Variants in DPP6 observed in about 807,000 individuals in gnomAD.
DPP6 encodes the protein A-type potassium channel modulatory protein DPP6.
A neutral mutation model predicts 122.6 loss-of-function variants in DPP6; 69 were observed. That is an observed-to-expected ratio of 0.56 (90% CI 0.46 to 0.69). The LOEUF (loss-of-function observed/expected upper bound fraction) is 0.69, where lower values mean the gene tolerates loss of function less well. DPP6 is among the 30% of genes least tolerant of loss of function. DPP6 has a pLI of 0.00. For synonymous variants in DPP6, 418 were observed against 433.1 expected, an observed-to-expected ratio of 0.97 and a Z score of 0.43; for missense variants, 928 against 1,116.9, an observed-to-expected ratio of 0.83 and a Z score of 2.41.
intron 8 of DPP6, among the ~76,000 whole-genome samples, chr7:154,732,666 C>T (rs1426946525): frequency 6.6e-6 from 1 of 152,064 alleles, no homozygotes; most frequent in Non-Finnish European, 1.5e-5. Context: ...GAAAAGGGCC[C>T]GAAGGGTATT....
chr7:154,295,466 T>C (rs1007296043), intron 1 of DPP6, among the ~76,000 whole-genome samples: 1 of 152,174 alleles, frequency 6.6e-6, no homozygotes, highest in Non-Finnish European at 1.5e-5. Context: ...GATAAGATAG[T>C]ATGTGTAATA....
At chr7:154,357,773 A>G (rs1038603362) in intron 1 of DPP6, among the ~76,000 whole-genome samples, 2 of 151,910 alleles carry the variant, frequency 1.3e-5, no homozygotes, top group African/African-American at 4.8e-5. Context: ...GAAACCCCAT[A>G]TCTACTAAAA....
intron 1 of DPP6, among the ~76,000 whole-genome samples, chr7:154,110,141 G>A (rs1186650505): frequency 6.6e-6 from 1 of 151,942 alleles, no homozygotes; most frequent in Non-Finnish European, 1.5e-5. Flanking sequence ...TGGCTTTCAG[G>A]CTACCAATGG....
At chr7:154,374,218 C>T (rs1470876967) in intron 1 of DPP6, among the ~76,000 whole-genome samples, 2 of 152,104 alleles carry the variant, frequency 1.3e-5, no homozygotes, top group African/African-American at 4.8e-5. Flanking sequence ...ACCTTGGGGA[C>T]ATTATTTCAT....
chr7:153,976,142 T>G (rs1216616741), intron 1 of DPP6, among the ~76,000 whole-genome samples: 2 of 151,736 alleles, frequency 1.3e-5, no homozygotes, highest in Non-Finnish European at 2.9e-5. Flanking sequence ...CAAACCTGAG[T>G]AAGGGTGAAG....
Position 154,398,439 on chromosome 7 carries a change from G to A in DPP6, c.244-47775G>A, listed in dbSNP as rs537522870. On this transcript the variant is annotated intron_variant, in intron 1 of 25. Transcript: ENST00000377770. Reference sequence around the variant, plus strand: ...GTAGGTTGTATGCAGTGATAGTATCGCCTTTGTTCATTTGCACATCAAAGA... The same window carrying A: ...GTAGGTTGTATGCAGTGATAGTATCACCTTTGTTCATTTGCACATCAAAGA... Among the ~76,000 whole-genome samples, 19 of 152,220 alleles carry A rather than the reference G, an allele frequency of 1.2e-4. No homozygotes were observed. In the East Asian group the frequency reaches 1.7e-3, roughly 14 times the overall value.
At chr7:154,447,684 T>A (rs1820006152) in intron 2 of DPP6, among the ~76,000 whole-genome samples, 1 of 152,042 alleles carries the variant, frequency 6.6e-6, no homozygotes, top group East Asian at 1.9e-4. Flanking sequence ...AACAAAATAG[T>A]AGCAAACTGA....
intron 1 of DPP6, among the ~76,000 whole-genome samples, chr7:154,221,379 G>T (rs539975121): frequency 3.9e-5 from 6 of 152,078 alleles, no homozygotes; most frequent in African/African-American, 1.4e-4. Context: ...GACCTCAAAT[G>T]ATCCACCCAC....
rs191414379 is a variant in DPP6 at position 154,723,570 on chromosome 7, G to T, written c.763-4197G>T. Among the ~76,000 whole-genome samples the T allele has an allele frequency of 4.8e-3, 732 of 152,238 alleles. 3 individuals carry two copies. The highest frequency in any genetic ancestry group is 7.9e-3 in the Non-Finnish European group (539 of 68,020). ...TTAGGTTGTATACTTGTTTCTGGAA[G>T]TTTTCCACCTCATTTCTGGCTGAAG... On this transcript the variant is annotated intron_variant, in intron 7 of 25. Transcript: ENST00000377770.
At chr7:154,747,897 A>G (rs1404449620) in intron 8 of DPP6, among the ~76,000 whole-genome samples, 1 of 152,224 alleles carries the variant, frequency 6.6e-6, no homozygotes, top group Non-Finnish European at 1.5e-5. Flanking sequence ...TAGTAGTAAT[A>G]GTTGCTATAT....
chr7:154,805,871 T>C (rs1393798016), intron 15 of DPP6, among the ~76,000 whole-genome samples: 1 of 152,196 alleles, frequency 6.6e-6, no homozygotes, highest in Admixed American at 6.5e-5. Context: ...TGCAGCCAGT[T>C]ACACCTAAAG....
chr7:154,850,328 A>G (rs1436790226), intron 16 of DPP6, among the ~76,000 whole-genome samples: 1 of 151,962 alleles, frequency 6.6e-6, no homozygotes, highest in East Asian at 1.9e-4. Flanking sequence ...GTACCATTGA[A>G]TATGATTTGC....
chr7:154,298,260 C>G (rs1805669879), intron 1 of DPP6, among the ~76,000 whole-genome samples: 2 of 96,430 alleles, frequency 2.1e-5, no homozygotes, highest in South Asian at 2.9e-4. Flanking sequence ...AAATCTGTCT[C>G]TCTCTCTCCA....
intron 1 of DPP6, among the ~76,000 whole-genome samples, chr7:154,146,912 C>T (rs1796120050): frequency 6.6e-6 from 1 of 152,166 alleles, no homozygotes; most frequent in East Asian, 1.9e-4. Flanking sequence ...CTTCATTGCC[C>T]AGTGCGACTG....
chr7:154,568,676 A>G (rs1302976607), intron 5 of DPP6, among the ~76,000 whole-genome samples: 1 of 152,174 alleles, frequency 6.6e-6, no homozygotes, highest in Non-Finnish European at 1.5e-5. Flanking sequence ...GCTAAAGATG[A>G]GTCTTCACCA....
intron 8 of DPP6, among the ~76,000 whole-genome samples, chr7:154,743,615 G>A (rs866587330): frequency 1.3e-5 from 2 of 152,186 alleles, no homozygotes; most frequent in African/African-American, 4.8e-5. Flanking sequence ...TGCTGTTTTT[G>A]CTGTCGTTTT....
At chr7:154,539,548 G>C (rs1309806595) in intron 3 of DPP6, among the ~76,000 whole-genome samples, 1 of 151,592 alleles carries the variant, frequency 6.6e-6, no homozygotes, top group African/African-American at 2.4e-5. Flanking sequence ...GAGTTAATGG[G>C]TGCAGCACAC....
chr7:154,436,310 C>T (rs560599412), intron 1 of DPP6, among the ~76,000 whole-genome samples: 9 of 151,594 alleles, frequency 5.9e-5, no homozygotes, highest in African/African-American at 2.2e-4. Flanking sequence ...GGAAACCTGC[C>T]CCAGCTGGTC....
intron 1 of DPP6, among the ~76,000 whole-genome samples, chr7:154,255,184 G>A (rs1465478586): frequency 2.0e-5 from 3 of 152,150 alleles, no homozygotes; most frequent in East Asian, 3.9e-4. Flanking sequence ...AGGCACAGGC[G>A]GCTGTGGTGG....
Sources: gnomAD v4.1 joint callset for allele counts (sites outside exome capture counted in the v4.1 genomes callset) on GRCh38, gnomAD v4.1.1 for gene constraint, MANE v1.5 for transcripts, NCBI Gene and HGNC (gene_info 2026-07-23, HGNC 2026-07-21) for gene names.